ZNF708: variants seen among roughly 807,000 people sequenced by gnomAD.
ZNF708 encodes the protein zinc finger protein 708.
Under a neutral mutation model 47.0 loss-of-function variants are expected in ZNF708, and 44 were observed. That is an observed-to-expected ratio of 0.94 (90% CI 0.74 to 1.20). ZNF708 has a LOEUF of 1.20. Ranked by LOEUF, ZNF708 falls within the 50% of genes most tolerant of loss-of-function variation. ZNF708 has a pLI of 0.00. For missense variants in ZNF708, 557 were observed against 656.0 expected, an observed-to-expected ratio of 0.85 and a Z score of 1.65; for synonymous variants, 184 against 218.5, an observed-to-expected ratio of 0.84 and a Z score of 1.39.
At chr19:21,296,973 A>G (rs748592432) in intron 3 of ZNF708, among the ~76,000 whole-genome samples, 2 of 151,354 alleles carry the variant, frequency 1.3e-5, no homozygotes, top group East Asian at 2.0e-4. Flanking sequence ...TCTCAACTAA[A>G]TATATAAAAA....
chr19:21,321,909 T>C (rs1446808505), intron 1 of ZNF708, among the ~76,000 whole-genome samples: 3 of 151,920 alleles, frequency 2.0e-5, no homozygotes, highest in Non-Finnish European at 4.4e-5. Flanking sequence ...ACTCCATGGA[T>C]AAGGGAGAGT....
Position 21,315,227 on chromosome 19 carries a change from A to G in ZNF708, c.4-4600T>C, listed in dbSNP as rs151122653. Among the ~76,000 whole-genome samples the G allele has an allele frequency of 3.7e-3, 567 of 152,292 alleles. 1 individual carries two copies. Among genetic ancestry groups the G allele is most frequent in the Non-Finnish European group, 5.0e-3 (337 of 68,024 alleles). ...CAGACCTGCTACAAGATCTTACTGG[A>G]CAAAATCTGAAAAGCTCAAAGAGCC... On this transcript the variant is annotated intron_variant, in intron 1 of 3. Coordinates refer to ENST00000356929, the MANE Select transcript of ZNF708 (RefSeq NM_021269.3).
intron 1 of ZNF708, among the ~76,000 whole-genome samples, chr19:21,326,263 C>T (rs62107531): frequency 0.14 from 21,374 of 152,192 alleles, 1,976 homozygotes; most frequent in Non-Finnish European, 0.21. Context: ...TACTTGCACA[C>T]GCATGTTCAT....
At chr19:21,305,452 T>A (rs7256602) in intron 3 of ZNF708, among the ~76,000 whole-genome samples, 16 of 151,690 alleles carry the variant, frequency 1.1e-4, no homozygotes, top group South Asian at 4.2e-4. Context: ...AGTTTATTTT[T>A]TTATTTTTAT....
chr19:21,300,227 A>G (rs1972627137), intron 3 of ZNF708, among the ~76,000 whole-genome samples: 1 of 150,962 alleles, frequency 6.6e-6, no homozygotes, highest in African/African-American at 2.4e-5. Context: ...AAAAAAAAAA[A>G]TGCTGGGCAC....
At chr19:21,324,896 C>A (rs1973225512) in intron 1 of ZNF708, among the ~76,000 whole-genome samples, 1 of 152,144 alleles carries the variant, frequency 6.6e-6, no homozygotes, top group African/African-American at 2.4e-5. Flanking sequence ...CTATGTAACT[C>A]AGCAATTATC....
intron 3 of ZNF708, among the ~76,000 whole-genome samples, chr19:21,299,602 CAACAAT>C (rs1197638705): frequency 5.3e-5 from 8 of 150,928 alleles, no homozygotes; most frequent in Non-Finnish European, 1.2e-4. Flanking sequence ...ACAACAACAA[CAACAAT>C]AACAACAACA....
chr19:21,312,413 A>G (rs1294394054), intron 1 of ZNF708, among the ~76,000 whole-genome samples: 1 of 152,072 alleles, frequency 6.6e-6, no homozygotes, highest in East Asian at 1.9e-4. Context: ...GCAGTGAACC[A>G]AGATCAAGCC....
chr19:21,305,507 T>C (rs1972744345), intron 3 of ZNF708, among the ~76,000 whole-genome samples: 1 of 151,680 alleles, frequency 6.6e-6, no homozygotes, highest in Non-Finnish European at 1.5e-5. Flanking sequence ...TGGAGTGCAG[T>C]GGCTGTAGTG....
chr19:21,295,333 C>T (rs927158670), intron 3 of ZNF708, among the ~76,000 whole-genome samples: 17 of 152,140 alleles, frequency 1.1e-4, no homozygotes, highest in Non-Finnish European at 2.2e-4. Context: ...ACTTCTTTAA[C>T]TTAAAAAGCC....
chr19:21,298,042 A>T (rs959982859), intron 3 of ZNF708, among the ~76,000 whole-genome samples: 1 of 152,124 alleles, frequency 6.6e-6, no homozygotes, highest in Non-Finnish European at 1.5e-5. Flanking sequence ...TATAAAACAA[A>T]TATTGACGGA....
In ZNF708 at chr19:21,291,882, A is replaced by G. The variant is rs1047164004; in HGVS notation, c.*1392T>C. On this transcript the variant is annotated 3_prime_UTR_variant, in exon 4 of 4. Transcript: ENST00000356929. ...TCTGTCTCAAGGAAAACAAACAAAC[A>G]AAAAAAGTATACTTTGAATGTAATT... is the stretch of plus-strand genomic sequence containing the variant. The G allele has an allele frequency of 7.9e-5, 12 of 152,092 alleles. No individual in the cohort carries two copies. Among genetic ancestry groups the G allele is most frequent in the African/African-American group, 2.9e-4 (12 of 41,432 alleles). The allele number at this position is 152,092 out of a possible 1,614,324, so 9.4% of individuals were successfully genotyped here. A position where few individuals can be genotyped will look rare whatever the true frequency, so the allele number is the denominator to read the frequency against.
intron 1 of ZNF708, among the ~76,000 whole-genome samples, chr19:21,326,354 A>G (rs1346764984): frequency 6.6e-6 from 1 of 152,216 alleles, no homozygotes; most frequent in Non-Finnish European, 1.5e-5. Context: ...AAACTGTGGT[A>G]TATATATACA....
rs1678825 is a variant in ZNF708 at position 21,317,455 on chromosome 19, T to A, written c.4-6828A>T. Among the ~76,000 whole-genome samples, 866 of 152,174 alleles carry A rather than the reference T, an allele frequency of 5.7e-3. 10 individuals are homozygous for A. The highest frequency in any genetic ancestry group is 0.02 in the African/African-American group (828 of 41,530). On this transcript the variant is annotated intron_variant, in intron 1 of 3. Transcript: ENST00000356929. ...GAAGAGCGTGCACTTTGCAGCACAATTGTGAGTTGACTGGAATCCTGAGAG... is the reference window on the plus strand; with the variant it reads ...GAAGAGCGTGCACTTTGCAGCACAAATGTGAGTTGACTGGAATCCTGAGAG...
At chr19:21,314,948 G>C (rs2145176465) in intron 1 of ZNF708, among the ~76,000 whole-genome samples, 1 of 152,290 alleles carries the variant, frequency 6.6e-6, no homozygotes, top group East Asian at 1.9e-4. Flanking sequence ...CCAGGCTAGA[G>C]AGAGTCATGC....
chr19:21,313,156 C>T (rs1406313383), intron 1 of ZNF708, among the ~76,000 whole-genome samples: 5 of 150,222 alleles, frequency 3.3e-5, no homozygotes, highest in Admixed American at 6.6e-5. Context: ...GGTGTGGTGG[C>T]ATGTGCCTGT....
chr19:21,312,480 A>G (rs1380186451), intron 1 of ZNF708, among the ~76,000 whole-genome samples: 1 of 151,958 alleles, frequency 6.6e-6, no homozygotes, highest in African/African-American at 2.4e-5. Flanking sequence ...AACAAATACA[A>G]CATGGATGTG....
intron 1 of ZNF708, among the ~76,000 whole-genome samples, chr19:21,325,660 G>A (rs1226321235): frequency 6.6e-6 from 1 of 152,030 alleles, no homozygotes; most frequent in African/African-American, 2.4e-5. Context: ...GATTAGGCAA[G>A]GATTTCATGA....
intron 2 of ZNF708, among the ~76,000 whole-genome samples, chr19:21,310,290 C>T (rs559859455): frequency 8.6e-5 from 13 of 151,600 alleles, no homozygotes; most frequent in Non-Finnish European, 1.6e-4. Context: ...ACTAAAAATA[C>T]AAAAATTAGC....
Sources: gnomAD v4.1 joint callset for allele counts (sites outside exome capture counted in the v4.1 genomes callset) on GRCh38, gnomAD v4.1.1 for gene constraint, MANE v1.5 for transcripts, NCBI Gene and HGNC (gene_info 2026-07-23, HGNC 2026-07-21) for gene names.